Variants in SEMA3B observed in about 807,000 individuals in gnomAD.
SEMA3B encodes the protein semaphorin 3B.
SEMA3B carries 71 observed loss-of-function variants against 77.8 expected under a neutral mutation model. That is an observed-to-expected ratio of 0.91 (90% confidence interval 0.75 to 1.11). SEMA3B has a LOEUF of 1.11. Ranked by LOEUF, SEMA3B falls within the 50% of genes most tolerant of loss-of-function variation. The pLI, the probability that SEMA3B is intolerant of heterozygous loss-of-function variation, is 0.00. For missense variants in SEMA3B, 968 were observed against 1,056.8 expected, an observed-to-expected ratio of 0.92 and a Z score of 1.17; for synonymous variants, 470 against 452.9, an observed-to-expected ratio of 1.04 and a Z score of -0.48.
chr3:50,266,027 G>A (rs1267420144), upstream of SEMA3B, among the ~76,000 whole-genome samples: 4 of 150,458 alleles, frequency 2.7e-5, no homozygotes, highest in Admixed American at 6.6e-5. Context: ...TGGCGGTGGC[G>A]GGGGGGTTTC....
intron 5 of SEMA3B, 49 bp downstream of exon 5, chr3:50,271,230 A>G: frequency 1.9e-6 from 3 of 1,548,962 alleles, no homozygotes; most frequent in South Asian, 1.2e-5. Context: ...AAACTCTAGA[A>G]CCTCACAAAG....
Position 50,270,962 on chromosome 3 carries a change from G to A in SEMA3B, c.403G>A (p.Ala135Thr), listed in dbSNP as rs1701031061. ...RTHLLACGTG[A>T]FHPTCAFVEV... ...CCATTTGCTGGCCTGTGGCACGGGA[G>A]CCTTCCACCCAACCTGTGCCTTTGT... is the stretch of plus-strand genomic sequence containing the variant. The change falls in exon 4 of 17, where the codon GCC (alanine) becomes ACC (threonine). Residue 135 changes from alanine to threonine, a missense_variant. Transcript: ENST00000616701. The surrounding 1 kb of genome is among the most constrained non-coding windows in gnomAD (Gnocchi z 4.7). 6.2e-7 allele frequency: 1 copy of A among 1,611,168 alleles called. No homozygotes were observed. Among genetic ancestry groups the A allele is most frequent in the African/African-American group, 1.3e-5 (1 of 74,870 alleles).
chr3:50,275,599 C>T lies in SEMA3B; in HGVS notation c.1689C>T (p.Ser563=). The T allele has an allele frequency of 6.2e-7, 1 of 1,613,714 alleles. No individual in the cohort carries two copies. Among genetic ancestry groups the T allele is most frequent in the Non-Finnish European group, 8.5e-7 (1 of 1,179,888 alleles). Residue 563 remains serine (S), a synonymous_variant, in exon 15 of 17, where the codon AGC becomes AGT. Transcript: ENST00000616701. This position sits in a 1 kb window ranked among gnomAD's most constrained non-coding sequence, Gnocchi z 7.5. ...RRQDVRNGDP[S]TLCSGDSSRP... ...AAGACGTAAGGAATGGCGACCCCAGCACGTTGTGCTCCGGAGGTGAGTGCC... is the reference window on the plus strand; with the variant it reads ...AAGACGTAAGGAATGGCGACCCCAGTACGTTGTGCTCCGGAGGTGAGTGCC...
In SEMA3B at chr3:50,276,158, A is replaced by T; in HGVS notation, c.1846-144A>T. 8.9e-7 allele frequency: 1 copy of T among 1,122,656 alleles called. No homozygotes were observed. Among genetic ancestry groups the T allele is most frequent in the Admixed American group, 3.3e-5 (1 of 30,564 alleles). 69.5% of individuals were successfully genotyped at this position (1,122,656 alleles called of 1,614,324 possible). ...GAAGACCACCAGCTCCCAAACACTC[A>T]GCCTTAAAATGTGCGCCTGCGGGCA... On this transcript the variant is annotated intron_variant, in intron 16 of 16. Coordinates refer to ENST00000616701, the MANE Select transcript of SEMA3B (RefSeq NM_001290060.2). This position sits in a 1 kb window ranked among gnomAD's most constrained non-coding sequence, Gnocchi z 5.8.
Position 50,276,760 on chromosome 3 carries a change from C to T in SEMA3B, c.*54C>T. On this transcript the variant is annotated 3_prime_UTR_variant, in exon 17 of 17. Transcript: ENST00000616701. This position sits in a 1 kb window ranked among gnomAD's most constrained non-coding sequence, Gnocchi z 5.8. ...CAGGAGACGACAGGCGAGAGAGGAG[C>T]CAGACAGACCCTGAAAAGAAGGACG... 4.9e-6 allele frequency: 7 copies of T among 1,422,016 alleles called. No individual in the cohort carries two copies. The highest frequency in any genetic ancestry group is 6.4e-6 in the Non-Finnish European group (7 of 1,095,288). 88.1% of individuals were successfully genotyped at this position (1,422,016 alleles called of 1,614,324 possible). A position where few individuals can be genotyped will look rare whatever the true frequency, so the allele number is the denominator to read the frequency against.
At chr3:50,266,069 A>G (rs1241491083), upstream of SEMA3B, among the ~76,000 whole-genome samples, 2 of 151,800 alleles carry the variant, frequency 1.3e-5, no homozygotes, top group East Asian at 3.9e-4. Context: ...ACACAGGTGG[A>G]GGAAGGTGCG....
At chr3:50,271,617 C>G in intron 6 of SEMA3B, 137 bp downstream of exon 6, 1 of 1,274,072 alleles carries the variant, frequency 7.8e-7, no homozygotes, top group Non-Finnish European at 1.1e-6. Flanking sequence ...GCACTGGCGT[C>G]ACAGAGACAG....
Position 50,269,986 on chromosome 3 carries a change from G to A in SEMA3B, c.110-141G>A, listed in dbSNP as rs1387038864. 2 of 929,754 alleles carry A rather than the reference G, an allele frequency of 2.2e-6. No homozygotes were observed. Among genetic ancestry groups the A allele is most frequent in the Non-Finnish European group, 3.1e-6 (2 of 654,742 alleles). 57.6% of individuals were successfully genotyped at this position (929,754 alleles called of 1,614,324 possible). A position where few individuals can be genotyped will look rare whatever the true frequency, so the allele number is the denominator to read the frequency against. On this transcript the variant is annotated intron_variant, in intron 1 of 16. Coordinates refer to ENST00000616701, the MANE Select transcript of SEMA3B (RefSeq NM_001290060.2). This position sits in a 1 kb window ranked among gnomAD's most constrained non-coding sequence, Gnocchi z 4.0. ...CCTGGGTGGGCTTGGGTTTGCGTGT[G>A]TAAACTCACACACATGTAAACTCAC... is the stretch of plus-strand genomic sequence containing the variant.
In SEMA3B at chr3:50,274,850, C is replaced by G. The variant is rs782455725; in HGVS notation, c.1365C>G (p.Gly455=). Residue 455 remains glycine, a synonymous_variant, in exon 12 of 17, where the codon GGC becomes GGG. Transcript: ENST00000616701. The surrounding 1 kb of genome is among the most constrained non-coding windows in gnomAD (Gnocchi z 4.7). ...YDVLFIGTDV[G]TVLKVISVPK... is the part of the protein sequence containing the mutation. ...CCCTTCTCATCCCTGCAGACGTTGGCACGGTGCTGAAGGTGATCTCGGTCC... is the reference window on the plus strand; with the variant it reads ...CCCTTCTCATCCCTGCAGACGTTGGGACGGTGCTGAAGGTGATCTCGGTCC... 3 of 1,610,916 alleles carry G rather than the reference C, an allele frequency of 1.9e-6. No individual in the cohort carries two copies. The highest frequency in any genetic ancestry group is 4.5e-5 in the East Asian group (2 of 44,872).
Position 50,274,578 on chromosome 3 carries a change from C to G in SEMA3B, c.1353C>G (p.Gly451=). 1.3e-6 allele frequency: 2 copies of G among 1,534,734 alleles called. No homozygotes were observed. Among genetic ancestry groups the G allele is most frequent in the Non-Finnish European group, 1.8e-6 (2 of 1,141,474 alleles). ...ADGHYDVLFI[G]TDVGTVLKVI... ...GACACTATGACGTCCTCTTCATTGG[C>G]ACAGGTCAGGGTCCCTCCACAGCGA... Residue 451 remains glycine (G), a synonymous_variant, in exon 11 of 17, where the codon GGC becomes GGG. Transcript: ENST00000616701. The surrounding 1 kb of genome is among the most constrained non-coding windows in gnomAD (Gnocchi z 4.7).
Position 50,271,128 on chromosome 3 carries a change from G to A in SEMA3B, c.491G>A (p.Gly164Asp), listed in dbSNP as rs1463926449. 2 of 1,585,130 alleles carry A rather than the reference G, an allele frequency of 1.3e-6. No homozygotes were observed. Among genetic ancestry groups the A allele is most frequent in the East Asian group, 2.3e-5 (1 of 43,470 alleles). ...CTGGACCCAGGAAGGATAGAGGATGGCAAGGGGAAGAGTCCTTATGACCCC... is the reference window on the plus strand; with the variant it reads ...CTGGACCCAGGAAGGATAGAGGATGACAAGGGGAAGAGTCCTTATGACCCC... ...LRLDPGRIEDGKGKSPYDPRH... is the reference protein window; with the variant it reads ...LRLDPGRIEDDKGKSPYDPRH... The change falls in exon 5 of 17, where the codon GGC becomes GAC. Residue 164 changes from glycine (G) to aspartate (D), a missense_variant. Transcript: ENST00000616701.
At chr3:50,272,333 G>A (rs1701074268) in intron 6 of SEMA3B, among the ~76,000 whole-genome samples, 2 of 152,190 alleles carry the variant, frequency 1.3e-5, no homozygotes, top group African/African-American at 2.4e-5. Flanking sequence ...TCAGCACTTT[G>A]GGAGGCGGAG....
In SEMA3B at chr3:50,275,817, G is replaced by T; in HGVS notation, c.1818G>T (p.Gln606His). The change falls in exon 16 of 17, where the codon CAG becomes CAT. Residue 606 changes from glutamine (Q) to histidine (H), a missense_variant. By Grantham distance (24) the Gln-to-His change is conservative. Coordinates refer to ENST00000616701, the MANE Select transcript of SEMA3B (RefSeq NM_001290060.2). This position sits in a 1 kb window ranked among gnomAD's most constrained non-coding sequence, Gnocchi z 7.5. ...SLQARVEWTFQRAGVTAHTQV... is the reference protein window; with the variant it reads ...SLQARVEWTFHRAGVTAHTQV... ...AGGCGCGCGTGGAGTGGACTTTCCA[G>T]CGCGCAGGGGTGACAGCCCACACCC... The T allele has an allele frequency of 6.2e-7, 1 of 1,608,698 alleles. No homozygotes were observed. The highest frequency in any genetic ancestry group is 1.7e-4 in the Middle Eastern group (1 of 6,056).
Position 50,270,046 on chromosome 3 carries a change from C to A in SEMA3B, c.110-81C>A. 3 of 1,420,962 alleles carry A rather than the reference C, an allele frequency of 2.1e-6. No individual in the cohort carries two copies. Among genetic ancestry groups the A allele is most frequent in the Non-Finnish European group, 2.8e-6 (3 of 1,077,406 alleles). 88.0% of individuals were successfully genotyped at this position (1,420,962 alleles called of 1,614,324 possible). A position where few individuals can be genotyped will look rare whatever the true frequency, so the allele number is the denominator to read the frequency against. On this transcript the variant is annotated intron_variant, in intron 1 of 16. Transcript: ENST00000616701. The surrounding 1 kb of genome is among the most constrained non-coding windows in gnomAD (Gnocchi z 4.7). ...GGCCAGGTCCTAATGGCAACCTTGG[C>A]CGATAGAGTCACCACCAGGCAGGAC...
In SEMA3B at chr3:50,269,360, C is replaced by T. The variant is rs1304705984; in HGVS notation, c.109+11C>T. On this transcript the variant is annotated intron_variant, in intron 1 of 16. Coordinates refer to ENST00000616701, the MANE Select transcript of SEMA3B (RefSeq NM_001290060.2). The surrounding 1 kb of genome is among the most constrained non-coding windows in gnomAD (Gnocchi z 4.0). ...GGCTCTCCTTCCAAGGTAGGTGCAC[C>T]TGGCAGGCGGGAGGGCCCAGCTTGA... 3 of 1,450,010 alleles carry T rather than the reference C, an allele frequency of 2.1e-6. No individual in the cohort carries two copies. Among genetic ancestry groups the T allele is most frequent in the African/African-American group, 1.4e-5 (1 of 69,670 alleles). The allele number at this position is 1,450,010 out of a possible 1,614,324, so 89.8% of individuals were successfully genotyped here.
In SEMA3B at chr3:50,273,023, G is replaced by A; in HGVS notation, c.665-275G>A. 2.2e-6 allele frequency: 1 copy of A among 456,186 alleles called. No individual in the cohort carries two copies. Among genetic ancestry groups the A allele is most frequent in the Admixed American group, 4.0e-5 (1 of 24,818 alleles). The allele number at this position is 456,186 out of a possible 1,614,324, so 28.3% of individuals were successfully genotyped here. A position where few individuals can be genotyped will look rare whatever the true frequency, so the allele number is the denominator to read the frequency against. On this transcript the variant is annotated intron_variant, in intron 6 of 16. Transcript: ENST00000616701. The surrounding 1 kb of genome is among the most constrained non-coding windows in gnomAD (Gnocchi z 6.5). The stretch of plus-strand genomic sequence containing the variant: ...CAGCCTAAGGTGCTGGGCGACGTGT[G>A]GGGCGAGATCGGAGGCTAGCCGGGC...
At chr3:50,261,215 C>T in the SEMA3B span, 1 of 152,316 alleles carries the variant, frequency 6.6e-6, no homozygotes, top group East Asian at 1.9e-4. Context: ...GAAGCCCCAT[C>T]TTTCTGTCTC....
chr3:50,273,578 C>T lies in SEMA3B; in HGVS notation c.854C>T (p.Thr285Met). 1 of 1,613,336 alleles carries T rather than the reference C, an allele frequency of 6.2e-7. No homozygotes were observed. Among genetic ancestry groups the T allele is most frequent in the Non-Finnish European group, 8.5e-7 (1 of 1,179,750 alleles). The change falls in exon 8 of 17, where the codon ACG (threonine) becomes ATG (methionine). Residue 285 changes from threonine (T) to methionine (M), a missense_variant. Physicochemically the swap from Thr to Met is moderately conservative, Grantham distance 81 (BLOSUM62 -1). Coordinates refer to ENST00000616701, the MANE Select transcript of SEMA3B (RefSeq NM_001290060.2). This position sits in a 1 kb window ranked among gnomAD's most constrained non-coding sequence, Gnocchi z 6.5. ...GQRSLVNKWTTFLKARLVCSV... is the reference protein window; with the variant it reads ...GQRSLVNKWTMFLKARLVCSV... The stretch of plus-strand genomic sequence containing the variant: ...CGCAGCCTGGTCAACAAGTGGACGA[C>T]GTTCCTGAAGGCGCGGCTGGTGTGC...
rs782407487 is a variant in SEMA3B at position 50,274,510 on chromosome 3, A to C, written c.1285A>C (p.Thr429Pro). 1 of 1,567,274 alleles carries C rather than the reference A, an allele frequency of 6.4e-7. No homozygotes were observed. The highest frequency in any genetic ancestry group is 1.2e-5 in the South Asian group (1 of 83,284). The change falls in exon 11 of 17, where the codon ACC (threonine) becomes CCC (proline). Residue 429 changes from threonine (T) to proline (P), a missense_variant. Coordinates refer to ENST00000616701, the MANE Select transcript of SEMA3B (RefSeq NM_001290060.2). The surrounding 1 kb of genome is among the most constrained non-coding windows in gnomAD (Gnocchi z 4.7). ...TTTCCTACAAGTTGGAGCCAATTAC[A>C]CCTTCACTCAAATTGCCGCGGACCG... ...PLFLQVGANY[T>P]FTQIAADRVA...
Sources: gnomAD v4.1 joint callset for allele counts (sites outside exome capture counted in the v4.1 genomes callset) on GRCh38, gnomAD v4.1.1 for gene constraint, Gnocchi (gnomAD v3.1) non-coding constraint, MANE v1.5 for transcripts, NCBI Gene and HGNC (gene_info 2026-07-23, HGNC 2026-07-21) for gene names.